ALG13: variants seen among roughly 807,000 people sequenced by gnomAD.
The protein encoded by ALG13 is ALG13 UDP-N-acetylglucosaminyltransferase subunit, also known as UDP-N-acetylglucosamine transferase subunit ALG13.
A neutral mutation model predicts 87.8 loss-of-function variants in ALG13; 11 were observed. That is an observed-to-expected ratio of 0.13 (90% CI 0.08 to 0.21). The LOEUF (loss-of-function observed/expected upper bound fraction) is 0.21. Among genes scored for constraint, ALG13 ranks in the 10% least tolerant of loss-of-function variants. The pLI, the probability that ALG13 is intolerant of heterozygous loss-of-function variation, is 1.00. For synonymous variants in ALG13, 320 were observed against 306.3 expected (o/e 1.04, Z -0.47); for missense variants, 756 against 866.1 (o/e 0.87, Z 1.60).
Position 111,757,599 on chromosome X carries a change from C to T in ALG13, c.2985C>T (p.His995=), listed in dbSNP as rs1569523957. The T allele has an allele frequency of 1.7e-6, 2 of 1,200,147 alleles. No homozygotes were observed. The highest frequency in any genetic ancestry group is 2.2e-6 in the Non-Finnish European group (2 of 890,580). Reference sequence around the variant, plus strand: ...CTTTCTTGCTCAAGTGCTATTACCACAGCTACTGGCACTCCATGGTCTATG... The same window carrying T: ...CTTTCTTGCTCAAGTGCTATTACCATAGCTACTGGCACTCCATGGTCTATG... ...YFNLGLQCYY[H]SYWHSMVYVP... The change falls in exon 26 of 27, where the codon CAC becomes CAT. Residue 995 remains histidine (H), a synonymous_variant. Coordinates refer to ENST00000394780, the MANE Select transcript of ALG13 (RefSeq NM_001099922.3).
intron 24 of ALG13, among the ~76,000 whole-genome samples, chrX:111,745,788 T>G (rs1053997992): frequency 9.0e-6 from 1 of 111,466 alleles, no homozygotes; most frequent in Non-Finnish European, 1.9e-5. Flanking sequence ...ACTTTTCTCC[T>G]TGGTTTTTTA....
chrX:111,745,493 C>G (rs1340450432), intron 24 of ALG13, among the ~76,000 whole-genome samples: 1 of 109,883 alleles, frequency 9.1e-6, no homozygotes, highest in African/African-American at 3.3e-5. Flanking sequence ...TACTTTCTTG[C>G]TATAATATTT....
At chrX:111,752,686 G>A (rs1010288859) in intron 24 of ALG13, 104 bp from the exon 25 acceptor site, 4 of 536,644 alleles carry the variant, frequency 7.5e-6, no homozygotes, top group Non-Finnish European at 1.2e-5. Flanking sequence ...AAAGTGCTGG[G>A]ATTACAGGCA....
chrX:111,742,515 A>G (rs1943847069), intron 23 of ALG13, among the ~76,000 whole-genome samples: 1 of 112,188 alleles, frequency 8.9e-6, no homozygotes. Flanking sequence ...TTAATATAAA[A>G]AATTTGAGAA....
chrX:111,683,714 T>G (rs1285887163), intron 2 of ALG13, among the ~76,000 whole-genome samples: 11 of 111,577 alleles, frequency 9.9e-5, no homozygotes, highest in Non-Finnish European at 1.9e-5. Flanking sequence ...ATCAATCTCC[T>G]TGCTCTCATT....
chrX:111,719,025 C>CTTTTTT (rs1174274292), intron 10 of ALG13, among the ~76,000 whole-genome samples: 3 of 82,437 alleles, frequency 3.6e-5, no homozygotes, highest in Admixed American at 1.2e-4. Context: ...AATTTTTTTT[C>CTTTTTT]TTTTTTTTTT....
intron 3 of ALG13, chrX:111,689,807 A>G (rs1935813140): frequency 2.7e-6 from 2 of 751,342 alleles, no homozygotes; most frequent in South Asian, 1.4e-4. Context: ...TTGTTTCTTT[A>G]TAGTTGTTTG....
Position 111,689,323 on chromosome X carries a change from C to T in ALG13, c.383+4220C>T, listed in dbSNP as rs921862887. On this transcript the variant is annotated intron_variant, in intron 3 of 26. Coordinates refer to ENST00000394780, the MANE Select transcript of ALG13 (RefSeq NM_001099922.3). ...AGTGTTTTCTGGGCCCTCATAAATA[C>T]GTTTTTCTCATTTGAGAAAATTGTG... 1.3e-5 allele frequency: 10 copies of T among 751,554 alleles called. No individual in the cohort carries two copies. In the Admixed American group the frequency reaches 4.4e-4, roughly 33 times the overall value. 61.9% of individuals were successfully genotyped at this position (751,554 alleles called of 1,213,427 possible).
intron 6 of ALG13, among the ~76,000 whole-genome samples, 160 bp downstream of exon 6, chrX:111,711,885 A>G (rs752625447): frequency 5.3e-5 from 6 of 112,236 alleles, no homozygotes; most frequent in Non-Finnish European, 1.1e-4. Context: ...GAGGCTGGCA[A>G]TTGACCAATT....
intron 3 of ALG13, among the ~76,000 whole-genome samples, chrX:111,697,110 T>G (rs1202163032): frequency 4.5e-5 from 5 of 110,553 alleles, no homozygotes. Flanking sequence ...GTCTTTTGTA[T>G]TATTCTAACA....
intron 25 of ALG13, 125 bp downstream of exon 25, chrX:111,752,955 A>G: frequency 2.1e-6 from 1 of 469,323 alleles, no homozygotes; most frequent in Non-Finnish European, 3.6e-6. Flanking sequence ...AATTCTGTCT[A>G]AGAGATCTCT....
At chrX:111,720,510 CT>C (rs1247743775) in intron 11 of ALG13, among the ~76,000 whole-genome samples, 3 of 111,322 alleles carry the variant, frequency 2.7e-5, no homozygotes, top group African/African-American at 9.8e-5. Flanking sequence ...CAATGCCTAT[CT>C]TTATTTTATT....
chrX:111,687,862 T>C, intron 3 of ALG13: 1 of 1,134,664 alleles, frequency 8.8e-7, no homozygotes, highest in Middle Eastern at 2.4e-4. Context: ...CCATGTTACC[T>C]AATATTTTTC....
intron 1 of ALG13, 95 bp from the exon 2 acceptor site, chrX:111,682,037 C>T (rs1933515855): frequency 1.1e-6 from 1 of 928,130 alleles, no homozygotes; most frequent in African/African-American, 2.0e-5. Context: ...GGCCGTGCTC[C>T]GATGTTAACG....
chrX:111,698,463 CCT>C (rs1937272902), intron 3 of ALG13, among the ~76,000 whole-genome samples: 1 of 111,055 alleles, frequency 9.0e-6, no homozygotes, highest in Non-Finnish European at 1.9e-5. Context: ...GAACTTATGT[CCT>C]CTGTCTGTCT....
chrX:111,756,409 A>C (rs1244191825), intron 25 of ALG13, among the ~76,000 whole-genome samples: 1 of 111,736 alleles, frequency 8.9e-6, no homozygotes, highest in African/African-American at 3.2e-5. Context: ...TTGTGTAATA[A>C]ATATAAAAAT....
chrX:111,681,911 ACT>A (rs1933445476), intron 1 of ALG13: 1 of 900,423 alleles, frequency 1.1e-6, no homozygotes, highest in African/African-American at 2.1e-5. Flanking sequence ...CTTTCGCGGG[ACT>A]CTGCGAGCTG....
intron 3 of ALG13, among the ~76,000 whole-genome samples, chrX:111,694,292 G>A (rs754324025): frequency 1.4e-4 from 16 of 110,876 alleles, no homozygotes; most frequent in Non-Finnish European, 1.9e-4. Context: ...TGATCCACCC[G>A]CCTCAGCCTC....
chrX:111,702,965 T>C (rs896239239), intron 3 of ALG13, among the ~76,000 whole-genome samples: 1 of 111,443 alleles, frequency 9.0e-6, no homozygotes, highest in African/African-American at 3.3e-5. Context: ...CTAGTTTTTC[T>C]TTTGAGAAGT....
Sources: allele counts gnomAD v4.1 joint callset (sites outside exome capture counted in the v4.1 genomes callset), GRCh38; gene constraint gnomAD v4.1.1; transcripts MANE v1.5; gene names NCBI Gene and HGNC (gene_info 2026-07-23, HGNC 2026-07-21).